Variants in COL2A1 observed in about 807,000 individuals in gnomAD.
COL2A1 encodes collagen alpha-1(II) chain.
Under a neutral mutation model 204.5 loss-of-function variants are expected in COL2A1, and 28 were observed. That is an observed-to-expected ratio of 0.14 (90% CI 0.10 to 0.19). The LOEUF (loss-of-function observed/expected upper bound fraction) is 0.19. Among genes scored for constraint, COL2A1 ranks in the 10% least tolerant of loss-of-function variants. The pLI, the probability that COL2A1 is intolerant of heterozygous loss-of-function variation, is 1.00. For synonymous variants in COL2A1, 708 were observed against 718.7 expected (o/e 0.99, Z 0.24); for missense variants, 1,388 against 2,027.5 (o/e 0.68, Z 6.06).
chr12:47,982,886 G>A lies in COL2A1; in HGVS notation c.2155C>T (p.Arg719Cys), dbSNP rs121912865. The A allele has an allele frequency of 1.9e-6, 3 of 1,612,750 alleles. No homozygotes were observed. The highest frequency in any genetic ancestry group is 2.5e-6 in the Non-Finnish European group (3 of 1,179,910). Reference sequence around the variant, plus strand: ...GTGCCAGGAGTGCCGGGGAGGCCACGGGGACCCTGGAGGCCCTGGGCACCG... The same window carrying A: ...GTGCCAGGAGTGCCGGGGAGGCCACAGGGACCCTGGAGGCCCTGGGCACCG... Reference protein sequence around the residue: ...SPGAQGLQGPRGLPGTPGTDG... With the variant: ...SPGAQGLQGPCGLPGTPGTDG... Residue 719 changes from arginine (R) to cysteine (C), a missense_variant, in exon 33 of 54, where the codon CGT (arginine) becomes TGT (cysteine). By Grantham distance (180) the Arg-to-Cys change is radical. Around this residue, in one of 3 missense-constraint regions of COL2A1, gnomAD observed 884 missense variants for 1,415.8 expected, o/e 0.62. Coordinates refer to ENST00000380518, the MANE Select transcript of COL2A1 (RefSeq NM_001844.5).
At chr12:48,000,429 G>A (rs1447050530) in intron 1 of COL2A1, among the ~76,000 whole-genome samples, 4 of 152,128 alleles carry the variant, frequency 2.6e-5, no homozygotes, top group Admixed American at 6.5e-5. Flanking sequence ...CACCTAATAC[G>A]GGGGAGACCA....
In COL2A1 at chr12:47,995,746, T is replaced by C. The variant is rs1240847699; in HGVS notation, c.672A>G (p.Gln224=). The change falls in exon 10 of 54, where the codon CAA becomes CAG. Residue 224 remains glutamine (Q), a synonymous_variant. Coordinates refer to ENST00000380518, the MANE Select transcript of COL2A1 (RefSeq NM_001844.5). ...GTTCACCAGGTTCACCAGGATTGCCTTGAAATCCTTGAGGCCCCTAAAAAG... is the reference window on the plus strand; with the variant it reads ...GTTCACCAGGTTCACCAGGATTGCCCTGAAATCCTTGAGGCCCCTAAAAAG... ...PAGAPGPQGF[Q]GNPGEPGEPG... is the part of the protein sequence containing the mutation. 2 of 1,613,900 alleles carry C rather than the reference T, an allele frequency of 1.2e-6. No homozygotes were observed. The highest frequency in any genetic ancestry group is 1.1e-5 in the South Asian group (1 of 91,058).
chr12:47,985,977 C>A lies in COL2A1; in HGVS notation c.1528-12G>T. On this transcript the variant is annotated splice_polypyrimidine_tract_variant and intron_variant, in intron 23 of 53. Coordinates refer to ENST00000380518, the MANE Select transcript of COL2A1 (RefSeq NM_001844.5). ...TTGCCGGGAGCACCCTAAGGAGCCA[C>A]AGGGAGGAGAGGCAGTGAGTGAGAA... The A allele has an allele frequency of 6.4e-7, 1 of 1,551,552 alleles. No individual in the cohort carries two copies. The highest frequency in any genetic ancestry group is 2.0e-5 in the Admixed American group (1 of 51,010).
In COL2A1 at chr12:47,998,073, G is replaced by T; in HGVS notation, c.343-9C>A. The T allele has an allele frequency of 6.2e-7, 1 of 1,614,194 alleles. No homozygotes were observed. The highest frequency in any genetic ancestry group is 2.2e-5 in the East Asian group (1 of 44,890). ...CCTTTGGGTCCTACAATCTGTGAGA[G>T]AGAGCCCCACAGGATGGTAAGTTAG... On this transcript the variant is annotated splice_polypyrimidine_tract_variant and intron_variant, in intron 4 of 53. Coordinates refer to ENST00000380518, the MANE Select transcript of COL2A1 (RefSeq NM_001844.5).
intron 1 of COL2A1, chr12:48,000,925 G>A (rs1489900338): frequency 6.6e-6 from 1 of 152,334 alleles, no homozygotes. Flanking sequence ...CCTGCCTGGA[G>A]AGGCCCTGCC....
At chr12:48,004,730 C>T (rs1164873449), upstream of COL2A1, among the ~76,000 whole-genome samples, 3 of 152,050 alleles carry the variant, frequency 2.0e-5, no homozygotes, top group African/African-American at 7.2e-5. Context: ...ATGGCCCCTG[C>T]CCCCCAAACC....
Position 47,976,815 on chromosome 12 carries a change from A to G in COL2A1, c.3432T>C (p.Pro1144=), listed in dbSNP as rs1405303838. Residue 1144 remains proline (P), a synonymous_variant, in exon 48 of 54, where the codon CCT becomes CCC. Transcript: ENST00000380518. The surrounding 1 kb of genome is among the most constrained non-coding windows in gnomAD (Gnocchi z 4.3). ...CCACGCAGGCAGTGACACTCACAGGAGGGCCGGGCAGACCCTGCAGACCAG... is the reference window on the plus strand; with the variant it reads ...CCACGCAGGCAGTGACACTCACAGGGGGGCCGGGCAGACCCTGCAGACCAG... ...GFTGLQGLPG[P]PGPSGDQGAS... 6.2e-7 allele frequency: 1 copy of G among 1,612,564 alleles called. No homozygotes were observed. The highest frequency in any genetic ancestry group is 2.2e-5 in the East Asian group (1 of 44,860).
At chr12:47,975,864 G>T in intron 50 of COL2A1, 99 bp downstream of exon 50, 3 of 945,916 alleles carry the variant, frequency 3.2e-6, no homozygotes, top group Non-Finnish European at 5.3e-6. Context: ...ACTGTTAGCT[G>T]CAGGCTGATG....
chr12:47,984,433 C>G, intron 28 of COL2A1, 113 bp downstream of exon 28: 2 of 1,119,258 alleles, frequency 1.8e-6, no homozygotes, highest in South Asian at 2.6e-5. Flanking sequence ...CCACAGAGAT[C>G]AACACTCAAT....
chr12:47,990,337 T>A (rs928263754), intron 16 of COL2A1, among the ~76,000 whole-genome samples: 2 of 152,192 alleles, frequency 1.3e-5, no homozygotes, highest in African/African-American at 4.8e-5. Flanking sequence ...CTTAAATCAT[T>A]TTCTCTTTTC....
chr12:47,990,645 G>A (rs1476945957), intron 16 of COL2A1, among the ~76,000 whole-genome samples: 1 of 152,090 alleles, frequency 6.6e-6, no homozygotes, highest in South Asian at 2.1e-4. Flanking sequence ...CCCTGATGGG[G>A]CAGGGCACCA....
chr12:47,982,442 A>C lies in COL2A1; in HGVS notation c.2301+60T>G. ...GCCATAAGGGAACGGAAGCGATCAC[A>C]AGGGGCAGGAATGTGGCAAAGCCAC... On this transcript the variant is annotated intron_variant, in intron 34 of 53. Transcript: ENST00000380518. The C allele has an allele frequency of 3.6e-6, 5 of 1,399,656 alleles. No individual in the cohort carries two copies. In the South Asian group the frequency reaches 5.8e-5, roughly 16 times the overall value. 86.7% of individuals were successfully genotyped at this position (1,399,656 alleles called of 1,614,324 possible). A position where few individuals can be genotyped will look rare whatever the true frequency, so the allele number is the denominator to read the frequency against.
rs779252535 is a variant in COL2A1 at position 47,975,985 on chromosome 12, C to T, written c.3575G>A (p.Arg1192Gln). 11 of 1,613,764 alleles carry T rather than the reference C, an allele frequency of 6.8e-6. No individual in the cohort carries two copies. Among genetic ancestry groups the T allele is most frequent in the South Asian group, 4.4e-5 (4 of 91,082 alleles). The change falls in exon 50 of 54, where the codon CGA (arginine) becomes CAA (glutamine). Residue 1192 changes from arginine to glutamine, a missense_variant. Around this residue, in one of 3 missense-constraint regions of COL2A1, gnomAD observed 884 missense variants for 1,415.8 expected, o/e 0.62. Transcript: ENST00000380518. ...GPIGPPGPRG[R>Q]SGETGPAGPP... ...TACAGCAGGGCCGGTTTCGCCTGAT[C>T]GTCCACGGGGACCAGGAGGCCCAAT...
chr12:48,002,146 C>A (rs41272787), intron 1 of COL2A1, among the ~76,000 whole-genome samples: 2 of 152,278 alleles, frequency 1.3e-5, no homozygotes, highest in Admixed American at 6.5e-5. Flanking sequence ...TAAATACGGG[C>A]AGCGTTTCAG....
At chr12:47,992,335 G>C (rs545294412) in intron 16 of COL2A1, among the ~76,000 whole-genome samples, 77 of 152,294 alleles carry the variant, frequency 5.1e-4, no homozygotes, top group African/African-American at 1.9e-3. Context: ...GTAAAATGGG[G>C]AGAAGAATAG....
At chr12:47,984,825 A>G (rs1275732110) in intron 27 of COL2A1, among the ~76,000 whole-genome samples, 170 bp downstream of exon 27, 2 of 152,234 alleles carry the variant, frequency 1.3e-5, no homozygotes, top group East Asian at 1.9e-4. Flanking sequence ...CTGTGGGGCC[A>G]TGGATTTTCC....
Position 47,984,101 on chromosome 12 carries a change from G to T in COL2A1, c.1927C>A (p.Pro643Thr), listed in dbSNP as rs1438725736. Residue 643 changes from proline (P) to threonine (T), a missense_variant, in exon 29 of 54, where the codon CCC becomes ACC. This residue lies in a region of COL2A1 where 884 missense variants were observed against 1,415.8 expected (regional missense o/e 0.62). Coordinates refer to ENST00000380518, the MANE Select transcript of COL2A1 (RefSeq NM_001844.5). The part of the protein sequence containing the change: ...GKDGETGAAG[P>T]PGPAGPAGER... ...CAGGTACTTACAGCAGGGCCAGGGG[G>T]TCCTGCAGCACCTGTCTCACCATCT... is the stretch of plus-strand genomic sequence containing the variant. 3.1e-6 allele frequency: 5 copies of T among 1,613,358 alleles called. No individual in the cohort carries two copies. The highest frequency in any genetic ancestry group is 3.4e-6 in the Non-Finnish European group (4 of 1,179,742).
chr12:47,974,983 A>G, intron 51 of COL2A1, 121 bp from the exon 52 acceptor site: 1 of 1,061,310 alleles, frequency 9.4e-7, no homozygotes, highest in East Asian at 2.4e-5. Context: ...TGAGGTTCAC[A>G]TGTGGCCTGA....
intron 1 of COL2A1, among the ~76,000 whole-genome samples, 180 bp from the exon 2 acceptor site, chr12:48,000,305 T>C (rs1940173764): frequency 6.6e-6 from 1 of 152,254 alleles, no homozygotes; most frequent in African/African-American, 2.4e-5. Flanking sequence ...CATTGATTTT[T>C]CCATGTATTC....
Sources: allele counts gnomAD v4.1 joint callset (sites outside exome capture counted in the v4.1 genomes callset), GRCh38; gene constraint gnomAD v4.1.1; regional missense constraint gnomAD v4.1.1; non-coding constraint Gnocchi (gnomAD v3.1); transcripts MANE v1.5; gene names NCBI Gene and HGNC (gene_info 2026-07-23, HGNC 2026-07-21).